LMNTD1: variants seen among roughly 807,000 people sequenced by gnomAD.
LMNTD1 encodes lamin tail domain containing 1.
LMNTD1 carries 35 observed loss-of-function variants against 50.9 expected under a neutral mutation model. The ratio of observed to expected loss-of-function variants is 0.69; its 90% confidence interval spans 0.53 to 0.91. The LOEUF is 0.91. Ranked by LOEUF, LMNTD1 falls within the 40% of genes least tolerant of loss-of-function variation. The pLI, the probability that LMNTD1 is intolerant of heterozygous loss-of-function variation, is 0.00. For synonymous variants in LMNTD1, 153 were observed against 161.9 expected (o/e 0.94, Z 0.42); for missense variants, 470 against 475.5 (o/e 0.99, Z 0.11).
chr12:25,546,725 T>C (rs1238856966), intron 3 of LMNTD1, among the ~76,000 whole-genome samples, 171 bp from the exon 4 acceptor site: 8 of 151,720 alleles, frequency 5.3e-5, no homozygotes, highest in African/African-American at 1.9e-4. Context: ...CAAAAGCCTA[T>C]AAAATAATCA....
At chr12:25,644,972 G>A (rs114925179) in intron 1 of LMNTD1, among the ~76,000 whole-genome samples, 2,687 of 152,256 alleles carry the variant, frequency 0.018, 60 homozygotes, top group African/African-American at 0.057. Flanking sequence ...GAATAGGGAG[G>A]GAGAAGTGTG....
rs376707066 is a variant in LMNTD1 at position 25,527,681 on chromosome 12, T to TACACACAC, written c.492-734_492-727dup. On this transcript the variant is annotated intron_variant, in intron 4 of 9. Coordinates refer to ENST00000458174, the MANE Select transcript of LMNTD1 (RefSeq NM_001145728.2). ...ATATATATATATATATATATATATA[T>TACACACAC]ACACACACACACACACACACACACA... Among the ~76,000 whole-genome samples the TACACACAC allele has an allele frequency of 3.5e-3, 112 of 32,260 alleles. 1 individual carries two copies. Among genetic ancestry groups the TACACACAC allele is most frequent in the South Asian group, 0.021 (21 of 992 alleles). 21.2% of individuals were successfully genotyped at this position (32,260 alleles called of 152,430 possible).
At chr12:25,610,886 AG>A (rs2136536296) in intron 1 of LMNTD1, among the ~76,000 whole-genome samples, 1 of 152,334 alleles carries the variant, frequency 6.6e-6, no homozygotes, top group African/African-American at 2.4e-5. Context: ...AAGAAATTTG[AG>A]AGGACAGCAG....
intron 2 of LMNTD1, among the ~76,000 whole-genome samples, chr12:25,550,916 C>T (rs1462594576): frequency 6.6e-6 from 1 of 152,160 alleles, no homozygotes; most frequent in Non-Finnish European, 1.5e-5. Context: ...TAGCCCAGTG[C>T]TTAAGAAGCA....
At chr12:25,490,982 T>G (rs1462711417) in intron 9 of LMNTD1, among the ~76,000 whole-genome samples, 1 of 152,170 alleles carries the variant, frequency 6.6e-6, no homozygotes, top group Non-Finnish European at 1.5e-5. Context: ...TTTATAAAAG[T>G]GAAATCAATA....
At chr12:25,479,923 T>C (rs1289355891) in intron 9 of LMNTD1, among the ~76,000 whole-genome samples, 2 of 152,182 alleles carry the variant, frequency 1.3e-5, no homozygotes, top group African/African-American at 4.8e-5. Flanking sequence ...ATGTCAGCCT[T>C]GGCGAGTGGA....
chr12:25,613,008 A>G lies in LMNTD1; in HGVS notation c.58+35486T>C, dbSNP rs187662957. ...GATGGCAGCAGCAGGAGAAAGAGCA[A>G]TGTCATGAGCCATGGAACGAGGACA... is the stretch of plus-strand genomic sequence containing the variant. On this transcript the variant is annotated intron_variant, in intron 1 of 7. Transcript: ENST00000445693. Among the ~76,000 whole-genome samples the G allele has an allele frequency of 2.0e-5, 3 of 152,288 alleles. No homozygotes were observed. The East Asian group carries it at 5.8e-4, about 29-fold the overall frequency.
intron 9 of LMNTD1, among the ~76,000 whole-genome samples, chr12:25,476,682 A>C (rs1484411424): frequency 6.6e-6 from 1 of 152,200 alleles, no homozygotes; most frequent in Non-Finnish European, 1.5e-5. Flanking sequence ...TAGAACTGAG[A>C]GCTCTAGACT....
chr12:25,513,358 C>T (rs1002491512), intron 8 of LMNTD1, among the ~76,000 whole-genome samples: 3 of 152,156 alleles, frequency 2.0e-5, no homozygotes, highest in African/African-American at 7.2e-5. Flanking sequence ...GAAAAAACAA[C>T]CCATGTGGCC....
intron 1 of LMNTD1, among the ~76,000 whole-genome samples, chr12:25,559,403 CCAT>C (rs1944189769): frequency 6.6e-6 from 1 of 152,154 alleles, no homozygotes; most frequent in Non-Finnish European, 1.5e-5. Flanking sequence ...GCATAGTATT[CCAT>C]GGTGTATATG....
At chr12:25,587,897 A>C (rs4963625) in intron 1 of LMNTD1, among the ~76,000 whole-genome samples, 1 of 152,110 alleles carries the variant, frequency 6.6e-6, no homozygotes, top group Non-Finnish European at 1.5e-5. Flanking sequence ...ATTTTTTAAA[A>C]AAATTAACTC....
intron 1 of LMNTD1, among the ~76,000 whole-genome samples, chr12:25,641,694 A>G (rs1946961882): frequency 6.6e-6 from 1 of 152,146 alleles, no homozygotes; most frequent in Non-Finnish European, 1.5e-5. Context: ...TATATTTCAT[A>G]TGTCACATCA....
At position 25,595,479 on chromosome 12, in the gene LMNTD1, C is replaced by A. The variant is rs559806742; in HGVS notation, c.59-48925G>T. Among the ~76,000 whole-genome samples, 4 of 152,090 alleles carry A rather than the reference C, an allele frequency of 2.6e-5. No individual in the cohort carries two copies. The South Asian group carries it at 8.3e-4, about 31-fold the overall frequency. On this transcript the variant is annotated intron_variant, in intron 1 of 7. Coordinates refer to the LMNTD1 transcript ENST00000445693. ...ATTAAATAATCTGTTCCTTAATGAT[C>A]ATTGGGTCAAAAATGAAATAAAGAT...
rs1481365604 is a variant in LMNTD1 at position 25,486,300 on chromosome 12, C to A, written c.*23-9840G>T. Among the ~76,000 whole-genome samples the A allele has an allele frequency of 1.2e-4, 18 of 149,498 alleles. No individual in the cohort carries two copies. The East Asian group carries it at 1.4e-3, about 12-fold the overall frequency. Reference sequence around the variant, plus strand: ...ATGGGAGTTCACTCATGATTTGGCTCTCTGTTTGTCTGTTGTTGGTGTATA... The same window carrying A: ...ATGGGAGTTCACTCATGATTTGGCTATCTGTTTGTCTGTTGTTGGTGTATA... On this transcript the variant is annotated intron_variant, in intron 9 of 9. Transcript: ENST00000458174.
chr12:25,529,437 T>C (rs1942065631), intron 4 of LMNTD1, among the ~76,000 whole-genome samples: 1 of 152,202 alleles, frequency 6.6e-6, no homozygotes, highest in Non-Finnish European at 1.5e-5. Flanking sequence ...CTTTGGCCTG[T>C]TGTAAATTTA....
chr12:25,641,154 G>A (rs1946952730), intron 1 of LMNTD1, among the ~76,000 whole-genome samples: 1 of 152,150 alleles, frequency 6.6e-6, no homozygotes, highest in Admixed American at 6.5e-5. Context: ...ATGGATGGAT[G>A]GATGACTATA....
At chr12:25,603,940 G>T (rs1470306346) in intron 1 of LMNTD1, among the ~76,000 whole-genome samples, 1 of 135,650 alleles carries the variant, frequency 7.4e-6, no homozygotes, top group African/African-American at 2.5e-5. Context: ...AGACACATAC[G>T]AATATTGGGG....
At chr12:25,551,367 A>C (rs1368242619) in intron 2 of LMNTD1, among the ~76,000 whole-genome samples, 2 of 151,988 alleles carry the variant, frequency 1.3e-5, no homozygotes, top group African/African-American at 2.4e-5. Flanking sequence ...TTATTTTGGT[A>C]GGTGAATAAG....
chr12:25,478,171 T>C (rs1337747409), intron 9 of LMNTD1, among the ~76,000 whole-genome samples: 1 of 152,142 alleles, frequency 6.6e-6, no homozygotes, highest in Non-Finnish European at 1.5e-5. Context: ...CCAGGATCAA[T>C]ACTTCAATCC....
Sources: gnomAD v4.1 joint callset for allele counts (sites outside exome capture counted in the v4.1 genomes callset) on GRCh38, gnomAD v4.1.1 for gene constraint, MANE v1.5 for transcripts, NCBI Gene and HGNC (gene_info 2026-07-23, HGNC 2026-07-21) for gene names.